Variants in ANK2 observed in about 807,000 individuals in gnomAD.
ANK2 encodes the protein ankyrin-2.
A neutral mutation model predicts 360.5 loss-of-function variants in ANK2; 83 were observed. That is an observed-to-expected ratio of 0.23 (90% confidence interval 0.19 to 0.28). The LOEUF (loss-of-function observed/expected upper bound fraction) is 0.28. Among genes scored for constraint, ANK2 ranks in the 10% least tolerant of loss-of-function variants. ANK2 has a pLI of 1.00. For synonymous variants in ANK2, 1,740 were observed against 1,759.5 expected (o/e 0.99, Z 0.28); for missense variants, 4,201 against 4,795.7 (o/e 0.88, Z 3.66).
At chr4:112,820,388 C>T (rs147194417) in intron 1 of ANK2, among the ~76,000 whole-genome samples, 35 of 152,310 alleles carry the variant, frequency 2.3e-4, no homozygotes, top group Non-Finnish European at 4.4e-4. Context: ...TGATGAGTGA[C>T]AGAGTTGGGA....
chr4:113,115,714 G>A (rs1506060), intron 1 of ANK2, among the ~76,000 whole-genome samples: 100,087 of 151,958 alleles, frequency 0.66, 33,244 homozygotes, highest in Non-Finnish European at 0.68. Context: ...TTTATGTAGT[G>A]CAAGAAATGA....
intron 1 of ANK2, 109 bp downstream of exon 1, chr4:113,049,921 GT>G: frequency 7.4e-7 from 1 of 1,351,620 alleles, no homozygotes. Context: ...ATGAGTAACT[GT>G]AGACGATAAC....
intron 1 of ANK2, among the ~76,000 whole-genome samples, chr4:113,153,005 G>A (rs2097151511): frequency 6.6e-6 from 1 of 152,140 alleles, no homozygotes; most frequent in Admixed American, 6.5e-5. Flanking sequence ...AAAGCCAGCT[G>A]TGTAATAGTA....
intron 13 of ANK2, among the ~76,000 whole-genome samples, chr4:113,259,638 T>G (rs2051458928): frequency 6.6e-6 from 1 of 152,144 alleles, no homozygotes; most frequent in Non-Finnish European, 1.5e-5. Flanking sequence ...TTCTTAATTA[T>G]AGCTTATTGG....
chr4:113,236,801 C>T (rs1300248647), intron 5 of ANK2, among the ~76,000 whole-genome samples, 186 bp from the exon 6 acceptor site: 4 of 152,260 alleles, frequency 2.6e-5, no homozygotes, highest in Non-Finnish European at 4.4e-5. Context: ...TTAGGAAAGC[C>T]GTCTGATTAA....
intron 16 of ANK2, 100 bp from the exon 17 acceptor site, chr4:113,278,360 T>C (rs1270439105): frequency 6.4e-6 from 6 of 933,290 alleles, no homozygotes; most frequent in Non-Finnish European, 1.0e-5. Flanking sequence ...ATTAATTCAT[T>C]AACATGAATT....
At chr4:113,348,206 T>C (rs975476591) in intron 35 of ANK2, 70 bp from the exon 36 acceptor site, 26 of 1,516,118 alleles carry the variant, frequency 1.7e-5, no homozygotes, top group Non-Finnish European at 2.0e-5. Flanking sequence ...ACTCTTTCCT[T>C]TTCTTCTAAA....
chr4:112,781,910 A>G, the ANK2 span, among the ~76,000 whole-genome samples: 1 of 148,390 alleles, frequency 6.7e-6, no homozygotes, highest in Non-Finnish European at 1.5e-5. Flanking sequence ...GCTCACTGCA[A>G]CCTCTACCTC....
At chr4:112,733,360 A>G in the ANK2 span, among the ~76,000 whole-genome samples, 10 of 152,338 alleles carry the variant, frequency 6.6e-5, no homozygotes, top group African/African-American at 1.9e-4. Flanking sequence ...TAGTTTAACC[A>G]AAGCCTATCC....
Position 113,097,889 on chromosome 4 carries a change from C to T in ANK2, c.84+48077C>T, listed in dbSNP as rs1246129330. On this transcript the variant is annotated intron_variant, in intron 1 of 45. Coordinates refer to ENST00000357077, the MANE Select transcript of ANK2 (RefSeq NM_001148.6). ...GTGTATATATATGCACACACACACACACGCACACACACATATATATGTATA... is the reference window on the plus strand; with the variant it reads ...GTGTATATATATGCACACACACACATACGCACACACACATATATATGTATA... 1.5e-3 allele frequency among the ~76,000 whole-genome samples: 119 copies of T among 81,978 alleles called. 1 individual carries two copies. The highest frequency in any genetic ancestry group is 4.4e-3 in the South Asian group (10 of 2,290). The allele number at this position is 81,978 out of a possible 152,430, so 53.8% of individuals were successfully genotyped here. A position where few individuals can be genotyped will look rare whatever the true frequency, so the allele number is the denominator to read the frequency against.
rs62314881 is a variant in ANK2 at position 113,035,247 on chromosome 4, G to A, written c.21+130733G>A. ...TATCCAGTTGGAAAGAAAATACAGA[G>A]GCATATTAAGCAGTTAATGAGAACT... is the stretch of plus-strand genomic sequence containing the variant. On this transcript the variant is annotated intron_variant, in intron 2 of 30. Transcript: ENST00000503271. 6.6e-5 allele frequency among the ~76,000 whole-genome samples: 10 copies of A among 151,426 alleles called. No homozygotes were observed. The East Asian group carries it at 1.4e-3, about 21-fold the overall frequency.
intron 1 of ANK2, among the ~76,000 whole-genome samples, chr4:113,070,888 G>C (rs1412495950): frequency 6.6e-6 from 1 of 151,784 alleles, no homozygotes; most frequent in Non-Finnish European, 1.5e-5. Context: ...AAGCCCCCGA[G>C]ACATTCAAAA....
At chr4:112,960,522 G>A (rs1386613559) in intron 2 of ANK2, among the ~76,000 whole-genome samples, 1 of 152,048 alleles carries the variant, frequency 6.6e-6, no homozygotes, top group Non-Finnish European at 1.5e-5. Flanking sequence ...TTGTTTTAAA[G>A]AATCAGAACA....
chr4:113,025,103 T>G (rs1367376829), intron 2 of ANK2, among the ~76,000 whole-genome samples: 1 of 152,142 alleles, frequency 6.6e-6, no homozygotes, highest in South Asian at 2.1e-4. Flanking sequence ...CCATAATTCA[T>G]GTACAAAGTT....
In ANK2 at chr4:113,364,449, G is replaced by A. The variant is rs563314765; in HGVS notation, c.10889-590G>A. ...CTCTTGCACGATATGCGTATGAACC[G>A]CATTAAATAACAGCCCTCACTTCTA... is the stretch of plus-strand genomic sequence containing the variant. On this transcript the variant is annotated intron_variant, in intron 40 of 45. Transcript: ENST00000357077. 3.5e-4 allele frequency among the ~76,000 whole-genome samples: 53 copies of A among 152,280 alleles called. 1 individual carries two copies. Among genetic ancestry groups the A allele is most frequent in the African/African-American group, 6.3e-4 (26 of 41,560 alleles).
At chr4:112,809,516 T>G in the ANK2 span, among the ~76,000 whole-genome samples, 1 of 142,870 alleles carries the variant, frequency 7.0e-6, no homozygotes, top group Non-Finnish European at 1.5e-5. Flanking sequence ...AGCCGAGATC[T>G]CGCCACTGCA....
chr4:113,348,441 T>C, intron 36 of ANK2, 133 bp downstream of exon 36: 1 of 886,772 alleles, frequency 1.1e-6, no homozygotes, highest in Admixed American at 2.0e-5. Context: ...CAATTTTACT[T>C]AACCTCTCTA....
At chr4:112,909,860 T>C (rs1165199856) in intron 2 of ANK2, among the ~76,000 whole-genome samples, 1 of 152,182 alleles carries the variant, frequency 6.6e-6, no homozygotes. Flanking sequence ...AAAGCAAAGA[T>C]TTTTTTCTTC....
upstream of ANK2, among the ~76,000 whole-genome samples, chr4:113,044,750 G>A (rs979109216): frequency 7.9e-5 from 12 of 152,084 alleles, no homozygotes; most frequent in African/African-American, 2.9e-4. Context: ...CTCTCTGTGT[G>A]TCTCTACATC....
Sources: allele counts gnomAD v4.1 joint callset (sites outside exome capture counted in the v4.1 genomes callset), GRCh38; gene constraint gnomAD v4.1.1; transcripts MANE v1.5; gene names NCBI Gene and HGNC (gene_info 2026-07-23, HGNC 2026-07-21).